The following ATF7IP variants were observed in gnomAD, a reference collection of about 807,000 sequenced individuals.
The protein encoded by ATF7IP is activating transcription factor 7 interacting protein.
In ATF7IP, 23 loss-of-function variants were observed where a neutral mutation model predicts 106.4. The ratio of observed to expected loss-of-function variants is 0.22; its 90% CI spans 0.16 to 0.31. The LOEUF is 0.31. ATF7IP is among the 10% of genes least tolerant of loss of function. ATF7IP has a pLI of 1.00. For missense variants in ATF7IP, 1,334 were observed against 1,524.3 expected, an observed-to-expected ratio of 0.88 and a Z score of 2.08; for synonymous variants, 542 against 539.0, an observed-to-expected ratio of 1.01 and a Z score of -0.08.
intron 1 of ATF7IP, chr12:14,385,280 T>C: frequency 1.0e-6 from 1 of 961,142 alleles, no homozygotes; most frequent in Non-Finnish European, 1.5e-6. Flanking sequence ...CCATCTTAAT[T>C]ACACTTTTGT....
Position 14,397,878 on chromosome 12 carries a change from G to A in ATF7IP, c.-7-26031G>A, listed in dbSNP as rs540228428. Reference sequence around the variant, plus strand: ...CTCTAAAAATTTTCCCCTTCTCCTTGGCTATTTGTTCTACAGTTTAACTTT... The same window carrying A: ...CTCTAAAAATTTTCCCCTTCTCCTTAGCTATTTGTTCTACAGTTTAACTTT... On this transcript the variant is annotated intron_variant, in intron 1 of 14. Coordinates refer to ENST00000261168, the MANE Select transcript of ATF7IP (RefSeq NM_018179.5). Among the ~76,000 whole-genome samples the A allele has an allele frequency of 8.6e-5, 13 of 151,990 alleles. No homozygotes were observed. In the South Asian group the frequency reaches 1.2e-3, roughly 15 times the overall value.
intron 10 of ATF7IP, among the ~76,000 whole-genome samples, chr12:14,472,020 G>T (rs908838383): frequency 2.0e-5 from 3 of 152,114 alleles, no homozygotes; most frequent in African/African-American, 7.2e-5. Context: ...CATGTATATT[G>T]TATTAAAAGC....
At chr12:14,487,803 C>G (rs571496998) in intron 13 of ATF7IP, among the ~76,000 whole-genome samples, 1 of 152,174 alleles carries the variant, frequency 6.6e-6, no homozygotes, top group African/African-American at 2.4e-5. Flanking sequence ...TCCCTGAGTT[C>G]ATCATTTTCT....
intron 5 of ATF7IP, among the ~76,000 whole-genome samples, chr12:14,445,927 C>T (rs140861731): frequency 2.0e-5 from 3 of 152,216 alleles, no homozygotes; most frequent in East Asian, 3.9e-4. Context: ...TTGAATATTA[C>T]GTCTATGCTT....
chr12:14,459,547 C>A (rs1368486036), intron 8 of ATF7IP, among the ~76,000 whole-genome samples: 1 of 152,168 alleles, frequency 6.6e-6, no homozygotes, highest in Non-Finnish European at 1.5e-5. Flanking sequence ...TTTTACTTAG[C>A]ATTGCTTTTG....
intron 1 of ATF7IP, among the ~76,000 whole-genome samples, chr12:14,411,614 A>G (rs772058904): frequency 2.0e-5 from 3 of 151,872 alleles, no homozygotes; most frequent in Non-Finnish European, 2.9e-5. Flanking sequence ...TGCTCATTTT[A>G]AAATGGAGTT....
chr12:14,374,092 TA>T (rs771897546), intron 1 of ATF7IP, among the ~76,000 whole-genome samples: 132 of 151,078 alleles, frequency 8.7e-4, no homozygotes, highest in Non-Finnish European at 1.2e-3. Context: ...TGATGGAAAA[TA>T]TGACTTTTTT....
chr12:14,383,232 G>C (rs1233489046), intron 1 of ATF7IP, among the ~76,000 whole-genome samples: 1 of 152,140 alleles, frequency 6.6e-6, no homozygotes, highest in Non-Finnish European at 1.5e-5. Context: ...TTAGTAGCCA[G>C]CAGCTTTCTC....
chr12:14,386,104 T>C (rs572935023), intron 1 of ATF7IP, among the ~76,000 whole-genome samples: 14 of 152,284 alleles, frequency 9.2e-5, no homozygotes, highest in African/African-American at 3.1e-4. Flanking sequence ...TCTAATGTAT[T>C]CAAATACCAT....
intron 10 of ATF7IP, among the ~76,000 whole-genome samples, chr12:14,473,275 GCT>G (rs59477486): frequency 0.44 from 30,207 of 69,218 alleles, 4,134 homozygotes; most frequent in East Asian, 0.55. Flanking sequence ...TTTTTAGCGC[GCT>G]CTCTCTCTCT....
intron 13 of ATF7IP, chr12:14,481,551 C>A (rs1944429260): frequency 1.0e-5 from 4 of 389,942 alleles, no homozygotes; most frequent in South Asian, 7.9e-5. Flanking sequence ...AAATAGTTTT[C>A]AAAAAAGAAA....
At chr12:14,449,761 T>C (rs1019043705) in intron 6 of ATF7IP, among the ~76,000 whole-genome samples, 3 of 151,846 alleles carry the variant, frequency 2.0e-5, no homozygotes, top group African/African-American at 4.8e-5. Flanking sequence ...AGGGATTGCA[T>C]TGAATCTGCA....
intron 1 of ATF7IP, among the ~76,000 whole-genome samples, chr12:14,380,693 T>C (rs1938968107): frequency 1.3e-5 from 2 of 152,228 alleles, no homozygotes; most frequent in African/African-American, 4.8e-5. Flanking sequence ...CAATCTTGGC[T>C]CACTGCAACC....
intron 10 of ATF7IP, among the ~76,000 whole-genome samples, chr12:14,467,718 A>G (rs1943885792): frequency 6.6e-6 from 1 of 151,900 alleles, no homozygotes; most frequent in South Asian, 2.1e-4. Flanking sequence ...AGGAAAATGG[A>G]CATTATGATG....
At chr12:14,493,829 C>T (rs965744037) in intron 13 of ATF7IP, among the ~76,000 whole-genome samples, 2 of 152,108 alleles carry the variant, frequency 1.3e-5, no homozygotes, top group African/African-American at 4.8e-5. Flanking sequence ...AGATAAGACT[C>T]TCATTCAGGG....
chr12:14,387,201 G>A (rs1939284762), intron 1 of ATF7IP, among the ~76,000 whole-genome samples: 1 of 152,024 alleles, frequency 6.6e-6, no homozygotes, highest in East Asian at 1.9e-4. Context: ...CATATGAACT[G>A]TACCTAAAAA....
intron 1 of ATF7IP, among the ~76,000 whole-genome samples, chr12:14,379,090 G>A (rs1938891029): frequency 6.6e-6 from 1 of 152,144 alleles, no homozygotes; most frequent in African/African-American, 2.4e-5. Context: ...CTCTATGTTG[G>A]AGGTGGGGCC....
At position 14,460,926 on chromosome 12, in the gene ATF7IP, G is replaced by C. The variant is rs766535846; in HGVS notation, c.2590G>C (p.Ala864Pro). The change falls in exon 9 of 15, where the codon GCA becomes CCA. Residue 864 changes from alanine (A) to proline (P), a missense_variant. By Grantham distance (27) the Ala-to-Pro change is conservative. Around this residue, in one of 10 missense-constraint regions of ATF7IP, gnomAD observed 370 missense variants for 401.2 expected, o/e 0.92. Transcript: ENST00000261168. ...SIQRNPTASA[A>P]PLGTTLAVQA... ...TCAAAGGAACCCTACTGCCAGTGCT[G>C]CACCATTGGGAACAACACTTGCTGT... 1 of 1,614,004 alleles carries C rather than the reference G, an allele frequency of 6.2e-7. No individual in the cohort carries two copies. Among genetic ancestry groups the C allele is most frequent in the East Asian group, 2.2e-5 (1 of 44,892 alleles).
chr12:14,454,149 G>C (rs1466378425), intron 6 of ATF7IP, among the ~76,000 whole-genome samples: 1 of 152,174 alleles, frequency 6.6e-6, no homozygotes, highest in Non-Finnish European at 1.5e-5. Flanking sequence ...AGCCTTGTTA[G>C]AGAGTCTGTG....
Sources: allele counts gnomAD v4.1 joint callset (sites outside exome capture counted in the v4.1 genomes callset), GRCh38; gene constraint gnomAD v4.1.1; regional missense constraint gnomAD v4.1.1; transcripts MANE v1.5; gene names NCBI Gene and HGNC (gene_info 2026-07-23, HGNC 2026-07-21).